USP32: variants seen among roughly 807,000 people sequenced by gnomAD.
The protein encoded by USP32 is ubiquitin specific peptidase 32.
In USP32, 59 loss-of-function variants were observed where a neutral mutation model predicts 204.8. The ratio of observed to expected loss-of-function variants is 0.29; its 90% confidence interval spans 0.23 to 0.36. The LOEUF (loss-of-function observed/expected upper bound fraction) is 0.36. USP32 is among the 10% of genes least tolerant of loss of function. The pLI, the probability that USP32 is intolerant of heterozygous loss-of-function variation, is 1.00. For synonymous variants in USP32, 517 were observed against 678.4 expected (o/e 0.76, Z 3.70); for missense variants, 1,160 against 1,946.4 (o/e 0.60, Z 7.60).
chr17:60,223,601 G>C lies in USP32; in HGVS notation c.1433-15C>G, dbSNP rs1357620743. The stretch of plus-strand genomic sequence containing the variant: ...ATACAGAAAGCCTATAAAAAAAAAA[G>C]AGGATAGAATCTCTTATTTTTAGTT... On this transcript the variant is annotated splice_polypyrimidine_tract_variant and intron_variant, in intron 13 of 33. Coordinates refer to ENST00000300896, the MANE Select transcript of USP32 (RefSeq NM_032582.4). 1 of 1,567,210 alleles carries C rather than the reference G, an allele frequency of 6.4e-7. No homozygotes were observed. Among genetic ancestry groups the C allele is most frequent in the Non-Finnish European group, 8.6e-7 (1 of 1,161,452 alleles).
intron 1 of USP32, among the ~76,000 whole-genome samples, chr17:60,410,615 C>G (rs1015199175): frequency 1.3e-5 from 2 of 151,994 alleles, no homozygotes; most frequent in African/African-American, 2.4e-5. Context: ...TTGCAGTGAG[C>G]CGAGATTGCA....
chr17:60,399,339 C>A (rs1018538702), intron 1 of USP32, among the ~76,000 whole-genome samples: 4 of 151,980 alleles, frequency 2.6e-5, no homozygotes, highest in African/African-American at 9.7e-5. Flanking sequence ...GCAAGAAGTG[C>A]TGAGATGAAG....
chr17:60,271,230 T>A, intron 6 of USP32, 120 bp downstream of exon 6: 1 of 1,315,354 alleles, frequency 7.6e-7, no homozygotes, highest in South Asian at 1.5e-5. Context: ...CCCCACTCCA[T>A]TAAACCTGCA....
At chr17:60,386,326 C>T (rs2089729642) in intron 1 of USP32, among the ~76,000 whole-genome samples, 1 of 149,644 alleles carries the variant, frequency 6.7e-6, no homozygotes, top group South Asian at 2.1e-4. Flanking sequence ...TTAATCTTCT[C>T]AGTACACTAT....
At chr17:60,330,461 C>T (rs894660239) in intron 2 of USP32, among the ~76,000 whole-genome samples, 1 of 150,798 alleles carries the variant, frequency 6.6e-6, no homozygotes, top group African/African-American at 2.4e-5. Context: ...TTCTTCCTTC[C>T]TTCCTTCTTT....
rs1304701996 is a variant in USP32 at position 60,363,138 on chromosome 17, T to C, written c.59-17530A>G. ...GACCCCATCTCTATTTTTTAAAAAATATTAAATTTTTTAAATTAAAAAAAA... is the reference window on the plus strand; with the variant it reads ...GACCCCATCTCTATTTTTTAAAAAACATTAAATTTTTTAAATTAAAAAAAA... On this transcript the variant is annotated intron_variant, in intron 1 of 33. Transcript: ENST00000300896. 2.6e-5 allele frequency among the ~76,000 whole-genome samples: 4 copies of C among 151,644 alleles called. No homozygotes were observed. In the East Asian group the frequency reaches 5.8e-4, roughly 22 times the overall value.
intron 1 of USP32, among the ~76,000 whole-genome samples, chr17:60,349,903 C>A (rs1395510024): frequency 6.6e-6 from 1 of 150,712 alleles, no homozygotes; most frequent in Admixed American, 6.6e-5. Flanking sequence ...AAAATGTTCA[C>A]CATACAGTGA....
At chr17:60,187,743 T>A (rs1357487859) in intron 29 of USP32, among the ~76,000 whole-genome samples, 1 of 152,234 alleles carries the variant, frequency 6.6e-6, no homozygotes, top group Non-Finnish European at 1.5e-5. Flanking sequence ...TTTCTATTTA[T>A]CAGTAAATTT....
chr17:60,392,910 C>T (rs2089865718), upstream of USP32, among the ~76,000 whole-genome samples: 1 of 152,094 alleles, frequency 6.6e-6, no homozygotes, highest in Admixed American at 6.6e-5. Context: ...CAGAGTTTCT[C>T]CCCGAGAAAC....
In USP32 at chr17:60,391,871, TCC is replaced by T; in HGVS notation, c.58+9_58+10del. The T allele has an allele frequency of 6.9e-7, 1 of 1,457,312 alleles. No individual in the cohort carries two copies. The highest frequency in any genetic ancestry group is 9.2e-7 in the Non-Finnish European group (1 of 1,090,112). 90.3% of individuals were successfully genotyped at this position (1,457,312 alleles called of 1,614,324 possible). On this transcript the variant is annotated intron_variant, in intron 1 of 33. Transcript: ENST00000300896. ...CTCCCAGGCAGCTCGCCCAGACCCC[TCC>T]CCCCTCACCTCTCCTCAGCGCCTCC...
chr17:60,239,820 G>A (rs192268121), intron 11 of USP32, among the ~76,000 whole-genome samples: 22 of 152,214 alleles, frequency 1.4e-4, no homozygotes, highest in Middle Eastern at 3.4e-3. Context: ...TACAACCTCC[G>A]CCTCCCGGGT....
Position 60,205,466 on chromosome 17 carries a change from A to G in USP32, c.3230T>C (p.Ile1077Thr). ...ACTAACCATTTTTCGGTGGACTGCA[A>G]TGATGTAACCTGTAAAGGGGCTGTC... ...LPDSPFTGYI[I>T]AVHRKMMRTE... The change falls in exon 26 of 34, where the codon ATT becomes ACT. Residue 1077 changes from isoleucine to threonine, a missense_variant. Ile to Thr is a moderately conservative substitution (Grantham distance 89). Around this residue, in one of 8 missense-constraint regions of USP32, gnomAD observed 160 missense variants for 322.5 expected, o/e 0.50. Coordinates refer to ENST00000300896, the MANE Select transcript of USP32 (RefSeq NM_032582.4). The G allele has an allele frequency of 6.2e-7, 1 of 1,611,280 alleles. No homozygotes were observed. The highest frequency in any genetic ancestry group is 8.5e-7 in the Non-Finnish European group (1 of 1,177,826).
At chr17:60,328,849 T>C (rs1179885430) in intron 2 of USP32, among the ~76,000 whole-genome samples, 1 of 152,106 alleles carries the variant, frequency 6.6e-6, no homozygotes, top group Non-Finnish European at 1.5e-5. Flanking sequence ...TGCCAGCACC[T>C]GGAGCTACCT....
At chr17:60,353,585 AC>A (rs2089002033) in intron 1 of USP32, among the ~76,000 whole-genome samples, 1 of 152,112 alleles carries the variant, frequency 6.6e-6, no homozygotes, top group Non-Finnish European at 1.5e-5. Flanking sequence ...TACTAAAAAT[AC>A]AAAAATTAGC....
intron 2 of USP32, among the ~76,000 whole-genome samples, chr17:60,322,851 A>G (rs1001688004): frequency 2.0e-5 from 3 of 152,196 alleles, no homozygotes; most frequent in Admixed American, 2.0e-4. Flanking sequence ...TATACACCAC[A>G]TGAATGTATA....
chr17:60,372,845 TA>T (rs746725190), intron 1 of USP32, among the ~76,000 whole-genome samples: 7,885 of 88,364 alleles, frequency 0.089, 828 homozygotes, highest in African/African-American at 0.29. Flanking sequence ...AGACCCTGTC[TA>T]AAAAAAAAAA....
intron 4 of USP32, among the ~76,000 whole-genome samples, chr17:60,294,420 T>G (rs140675254): frequency 6.6e-5 from 8 of 120,302 alleles, no homozygotes; most frequent in Admixed American, 2.4e-4. Context: ...ATTACTGTGT[T>G]AGTGTGAGTA....
intron 12 of USP32, among the ~76,000 whole-genome samples, chr17:60,234,502 C>T (rs2085665156): frequency 6.6e-6 from 1 of 151,002 alleles, no homozygotes; most frequent in African/African-American, 2.4e-5. Context: ...CCGAGGAGGG[C>T]AGATCACGAG....
At chr17:60,316,028 C>T (rs1288319161) in intron 2 of USP32, 1 of 171,730 alleles carries the variant, frequency 5.8e-6, no homozygotes, top group Non-Finnish European at 1.2e-5. Flanking sequence ...ACAAACCTCC[C>T]TTCCAGCATC....
Sources: gnomAD v4.1 joint callset for allele counts (sites outside exome capture counted in the v4.1 genomes callset) on GRCh38, gnomAD v4.1.1 for gene constraint, gnomAD v4.1.1 regional missense constraint, MANE v1.5 for transcripts, NCBI Gene and HGNC (gene_info 2026-07-23, HGNC 2026-07-21) for gene names.